Variants in EDA observed in about 807,000 individuals in gnomAD.
EDA encodes the protein ectodysplasin A.
EDA carries 2 observed loss-of-function variants against 23.6 expected under a neutral mutation model. The ratio of observed to expected loss-of-function variants is 0.08; its 90% CI spans 0.03 to 0.27. EDA has a LOEUF of 0.27. Among genes scored for constraint, EDA ranks in the 10% least tolerant of loss-of-function variants. The probability of loss-of-function intolerance (pLI) is 1.00; values close to 1 mark genes in which losing one functional copy is unlikely to be tolerated. For synonymous variants in EDA, 131 were observed against 132.0 expected (o/e 0.99, Z 0.05); for missense variants, 229 against 324.2 (o/e 0.71, Z 2.26).
chrX:70,034,582 G>T (rs1252727823), intron 7 of EDA, among the ~76,000 whole-genome samples: 1 of 111,722 alleles, frequency 9.0e-6, no homozygotes, highest in Non-Finnish European at 1.9e-5. Flanking sequence ...GGGTAGTGAA[G>T]GATGGAAAAA....
intron 1 of EDA, among the ~76,000 whole-genome samples, chrX:69,740,593 C>T (rs908407074): frequency 2.7e-5 from 3 of 111,186 alleles, no homozygotes; most frequent in African/African-American, 9.8e-5. Context: ...TGTCTTTCAG[C>T]ATTTCTGCTA....
At chrX:69,736,200 G>T (rs2013249732) in intron 1 of EDA, among the ~76,000 whole-genome samples, 1 of 110,192 alleles carries the variant, frequency 9.1e-6, no homozygotes. Context: ...AGCTACTCGG[G>T]AGACTGAGGC....
chrX:69,616,505 C>T lies in EDA; in HGVS notation c.197C>T (p.Ser66Leu), dbSNP rs751588921. The T allele has an allele frequency of 3.3e-6, 4 of 1,210,429 alleles. No homozygotes were observed. Among genetic ancestry groups the T allele is most frequent in the Middle Eastern group, 2.3e-4 (1 of 4,374 alleles). The change falls in exon 1 of 8, where the codon TCG (serine) becomes TTG (leucine). Residue 66 changes from serine to leucine, a missense_variant. Physicochemically the swap from Ser to Leu is moderately radical, Grantham distance 145. This residue lies in a region of EDA where 175 missense variants were observed against 281.8 expected (regional missense o/e 0.62). Transcript: ENST00000374552. ...LTLCCYLELR[S>L]ELRRERGAES... ...TTGTGCTGCTACCTAGAGTTGCGCT[C>T]GGAGTTGCGGCGGGAACGTGGAGCC...
At chrX:69,655,894 ACTCATTCTGTCCTAGGAG>A (rs1249557495) in intron 1 of EDA, among the ~76,000 whole-genome samples, 1 of 104,109 alleles carries the variant, frequency 9.6e-6, no homozygotes, top group African/African-American at 3.6e-5. Flanking sequence ...TGTCTCCGTT[ACTCATTCTGTCCTAGGAG>A]CTCATTCTGT....
At chrX:70,003,802 G>GAAAT (rs1239477855) in intron 2 of EDA, among the ~76,000 whole-genome samples, 1 of 112,112 alleles carries the variant, frequency 8.9e-6, no homozygotes, top group Admixed American at 9.5e-5. Context: ...CTTCAATGAA[G>GAAAT]AAATCTGTTT....
chrX:69,764,452 A>G (rs941906499), intron 1 of EDA, among the ~76,000 whole-genome samples: 2 of 107,325 alleles, frequency 1.9e-5, no homozygotes, highest in Non-Finnish European at 1.9e-5. Flanking sequence ...CACATTGGCC[A>G]GGCTGGTCTT....
chrX:69,870,045 T>C (rs2017542857), intron 1 of EDA, among the ~76,000 whole-genome samples: 1 of 111,736 alleles, frequency 8.9e-6, no homozygotes, highest in South Asian at 3.8e-4. Flanking sequence ...CATCCCAATC[T>C]CCCTAAGCCT....
At chrX:69,992,278 A>G (rs2019598815) in intron 2 of EDA, among the ~76,000 whole-genome samples, 1 of 111,592 alleles carries the variant, frequency 9.0e-6, no homozygotes, top group South Asian at 3.8e-4. Flanking sequence ...AGCTTTTGTG[A>G]TTGTCCATTG....
chrX:70,018,145 G>A (rs1353553276), intron 2 of EDA, among the ~76,000 whole-genome samples: 1 of 111,332 alleles, frequency 9.0e-6, no homozygotes, highest in Non-Finnish European at 1.9e-5. Flanking sequence ...GCTAAACAAG[G>A]GGTGAAAGAC....
At chrX:69,999,302 C>T (rs1602595981) in intron 2 of EDA, among the ~76,000 whole-genome samples, 2 of 110,580 alleles carry the variant, frequency 1.8e-5, no homozygotes, top group Admixed American at 9.6e-5. Context: ...AAAAAGTCAC[C>T]CAATGATATC....
At chrX:69,665,867 T>C (rs1444211045) in intron 1 of EDA, among the ~76,000 whole-genome samples, 1 of 111,790 alleles carries the variant, frequency 8.9e-6, no homozygotes, top group Non-Finnish European at 1.9e-5. Context: ...ATTGGGATTT[T>C]GATTGGGATT....
intron 1 of EDA, among the ~76,000 whole-genome samples, chrX:69,719,489 C>A (rs926166894): frequency 9.1e-6 from 1 of 110,377 alleles, no homozygotes; most frequent in African/African-American, 3.3e-5. Context: ...TTTTTCATCC[C>A]TTACCACTCT....
intron 1 of EDA, among the ~76,000 whole-genome samples, chrX:69,934,573 A>G (rs761033811): frequency 1.8e-5 from 2 of 110,773 alleles, no homozygotes; most frequent in Non-Finnish European, 3.8e-5. Flanking sequence ...TCCCTCTACT[A>G]TTGTCTTCAT....
intron 1 of EDA, among the ~76,000 whole-genome samples, chrX:69,717,892 A>T (rs1417027489): frequency 9.0e-6 from 1 of 111,146 alleles, no homozygotes; most frequent in Non-Finnish European, 1.9e-5. Context: ...CTGGGGGCAG[A>T]TTTCTCTTTT....
intron 1 of EDA, among the ~76,000 whole-genome samples, chrX:69,672,753 G>A (rs1933944256): frequency 9.0e-6 from 1 of 110,824 alleles, no homozygotes; most frequent in African/African-American, 3.3e-5. Context: ...GTGGTGGTGG[G>A]CACCTGTAGT....
intron 1 of EDA, among the ~76,000 whole-genome samples, chrX:69,747,251 A>C (rs775647674): frequency 1.8e-5 from 2 of 112,332 alleles, no homozygotes; most frequent in African/African-American, 3.2e-5. Context: ...GATAACATTT[A>C]AACTGAGACT....
chrX:69,905,776 G>A (rs1022356573), intron 1 of EDA, among the ~76,000 whole-genome samples: 5 of 111,098 alleles, frequency 4.5e-5, no homozygotes, highest in Non-Finnish European at 9.4e-5. Context: ...TAGCCCCTCC[G>A]AACCTAAGGT....
chrX:69,681,542 A>T (rs1246745657), intron 1 of EDA, among the ~76,000 whole-genome samples: 41 of 109,944 alleles, frequency 3.7e-4, no homozygotes, highest in African/African-American at 1.2e-3. Flanking sequence ...TTTTTCTCTA[A>T]ACTTCCCTTC....
Position 69,655,837 on chromosome X carries a change from G to C in EDA, c.396+39133G>C, listed in dbSNP as rs1375139603. The stretch of plus-strand genomic sequence containing the variant: ...TGCAATAGGTAAGGAGGGTGAGAGG[G>C]AGACAAACCTCACAACAAAATACCT... On this transcript the variant is annotated intron_variant, in intron 1 of 7. Transcript: ENST00000374552. Among the ~76,000 whole-genome samples the C allele has an allele frequency of 3.2e-5, 3 of 94,108 alleles. No individual in the cohort carries two copies. In the Admixed American group the frequency reaches 3.8e-4, roughly 12 times the overall value. 81.7% of individuals were successfully genotyped at this position (94,108 alleles called of 115,157 possible). A position where few individuals can be genotyped will look rare whatever the true frequency, so the allele number is the denominator to read the frequency against.
Sources: gnomAD v4.1 joint callset for allele counts (sites outside exome capture counted in the v4.1 genomes callset) on GRCh38, gnomAD v4.1.1 for gene constraint, gnomAD v4.1.1 regional missense constraint, MANE v1.5 for transcripts, NCBI Gene and HGNC (gene_info 2026-07-23, HGNC 2026-07-21) for gene names.